C19orf12: variants seen among roughly 807,000 people sequenced by gnomAD.
C19orf12 encodes the protein protein C19orf12.
In C19orf12, 2 loss-of-function variants were observed where a neutral mutation model predicts 3.8. The ratio of observed to expected loss-of-function variants is 0.53; its 90% CI spans 0.22 to 1.66. The LOEUF is 1.66. Among genes scored for constraint, C19orf12 ranks in the 40% most tolerant of loss-of-function variants. The pLI is 0.20. For synonymous variants in C19orf12, 89 were observed against 84.6 expected (o/e 1.05, Z -0.28); for missense variants, 156 against 188.8 (o/e 0.83, Z 1.02).
Position 29,702,094 on chromosome 19 carries a change from G to A in C19orf12, c.*618C>T, listed in dbSNP as rs990998280. Reference sequence around the variant, plus strand: ...GCGAGGCCCTGGCAGGGCGAGTCTAGGTGTGCAGCCTAGTGGGGGCCGGGG... The same window carrying A: ...GCGAGGCCCTGGCAGGGCGAGTCTAAGTGTGCAGCCTAGTGGGGGCCGGGG... On this transcript the variant is annotated 3_prime_UTR_variant, in exon 3 of 3. Coordinates refer to ENST00000323670, the MANE Select transcript of C19orf12 (RefSeq NM_031448.6). The A allele has an allele frequency of 1.3e-5, 6 of 449,432 alleles. No individual in the cohort carries two copies. Among genetic ancestry groups the A allele is most frequent in the Non-Finnish European group, 2.7e-5 (6 of 223,622 alleles). 27.8% of individuals were successfully genotyped at this position (449,432 alleles called of 1,614,324 possible).
rs948285503 is a variant in C19orf12 at position 29,714,947 on chromosome 19, G to A, written c.-11+178C>T. On this transcript the variant is annotated intron_variant, in intron 1 of 2. Transcript: ENST00000323670. ...CTCTCCATGCCTCAGTTTCTCCATA[G>A]GGACAATGACTACACTAACAGTGTC... The A allele has an allele frequency of 8.0e-5, 57 of 714,808 alleles. No individual in the cohort carries two copies. The highest frequency in any genetic ancestry group is 1.4e-4 in the Non-Finnish European group (55 of 383,590). 44.3% of individuals were successfully genotyped at this position (714,808 alleles called of 1,614,324 possible).
chr19:29,714,620 C>A (rs1396163699), intron 1 of C19orf12, among the ~76,000 whole-genome samples: 1 of 152,116 alleles, frequency 6.6e-6, no homozygotes, highest in Non-Finnish European at 1.5e-5. Flanking sequence ...CCCAGCTCCG[C>A]TGCCCCACAG....
At chr19:29,710,616 C>A (rs1437029643) in intron 1 of C19orf12, among the ~76,000 whole-genome samples, 1 of 152,128 alleles carries the variant, frequency 6.6e-6, no homozygotes, top group African/African-American at 2.4e-5. Context: ...GTCTTTTTGT[C>A]CCCATGGAGT....
At chr19:29,711,512 TG>T (rs1445936038) in intron 1 of C19orf12, among the ~76,000 whole-genome samples, 4 of 152,242 alleles carry the variant, frequency 2.6e-5, no homozygotes, top group Admixed American at 6.5e-5. Flanking sequence ...AGAGAGGCAC[TG>T]CCCAGGTCTC....
At chr19:29,714,233 G>A (rs745439283) in intron 1 of C19orf12, among the ~76,000 whole-genome samples, 7 of 152,120 alleles carry the variant, frequency 4.6e-5, no homozygotes, top group Non-Finnish European at 8.8e-5. Context: ...GGTGGCTCAC[G>A]TCTGTAATCC....
Position 29,714,305 on chromosome 19 carries a change from C to T in C19orf12, c.-11+820G>A, listed in dbSNP as rs570327262. Among the ~76,000 whole-genome samples, 4 of 151,968 alleles carry T rather than the reference C, an allele frequency of 2.6e-5. No individual in the cohort carries two copies. In the South Asian group the frequency reaches 8.3e-4, roughly 32 times the overall value. On this transcript the variant is annotated intron_variant, in intron 1 of 2. Coordinates refer to ENST00000323670, the MANE Select transcript of C19orf12 (RefSeq NM_031448.6). ...GTCAGGAGTTTGAGATTAGCCTGGC[C>T]GATATGGTGAAACTCCGTCTCTACT...
intron 1 of C19orf12, among the ~76,000 whole-genome samples, chr19:29,714,079 C>T (rs1365356347): frequency 1.3e-5 from 2 of 151,826 alleles, no homozygotes; most frequent in Non-Finnish European, 2.9e-5. Flanking sequence ...TTTCCAGAAA[C>T]GCAGTCTCCC....
chr19:29,710,970 C>G (rs1430591711), intron 1 of C19orf12, among the ~76,000 whole-genome samples: 2 of 150,848 alleles, frequency 1.3e-5, no homozygotes, highest in African/African-American at 4.9e-5. Context: ...ATCCAGTCAC[C>G]ATGGTCCTGA....
At position 29,700,654 on chromosome 19, in the gene C19orf12, A is replaced by G. The variant is rs529341141; in HGVS notation, c.*2058T>C. Reference sequence around the variant, plus strand: ...GCATATAAATGATTAAAGTGGCTTCATTAACTCCAGGAGTGTGGCCTGTGC... The same window carrying G: ...GCATATAAATGATTAAAGTGGCTTCGTTAACTCCAGGAGTGTGGCCTGTGC... On this transcript the variant is annotated 3_prime_UTR_variant, in exon 3 of 3. Transcript: ENST00000323670. 4.0e-5 allele frequency: 18 copies of G among 454,130 alleles called. No homozygotes were observed. The East Asian group carries it at 1.2e-3, about 30-fold the overall frequency. 28.1% of individuals were successfully genotyped at this position (454,130 alleles called of 1,614,324 possible).
Position 29,702,343 on chromosome 19 carries a change from G to C in C19orf12, c.*369C>G, listed in dbSNP as rs1210035312. 1 of 486,520 alleles carries C rather than the reference G, an allele frequency of 2.1e-6. No individual in the cohort carries two copies. The highest frequency in any genetic ancestry group is 6.0e-5 in the East Asian group (1 of 16,638). 30.1% of individuals were successfully genotyped at this position (486,520 alleles called of 1,614,324 possible). Reference sequence around the variant, plus strand: ...CATCTCCCAAGATGAGAAGGCCCCGGGGGGAGGATGAAGTGTGGTCAGACC... The same window carrying C: ...CATCTCCCAAGATGAGAAGGCCCCGCGGGGAGGATGAAGTGTGGTCAGACC... On this transcript the variant is annotated 3_prime_UTR_variant, in exon 3 of 3. Coordinates refer to ENST00000323670, the MANE Select transcript of C19orf12 (RefSeq NM_031448.6).
chr19:29,699,482 CAAAAAAA>C lies in C19orf12; in HGVS notation c.*3223_*3229del, dbSNP rs60814860. 2.6e-6 allele frequency: 1 copy of C among 383,336 alleles called. No homozygotes were observed. Among genetic ancestry groups the C allele is most frequent in the South Asian group, 1.9e-5 (1 of 53,050 alleles). The allele number at this position is 383,336 out of a possible 1,614,324, so 23.7% of individuals were successfully genotyped here. A position where few individuals can be genotyped will look rare whatever the true frequency, so the allele number is the denominator to read the frequency against. On this transcript the variant is annotated 3_prime_UTR_variant, in exon 3 of 3. Coordinates refer to ENST00000323670, the MANE Select transcript of C19orf12 (RefSeq NM_031448.6). ...CGGGCGACAGTGCGAGACTCCATCT[CAAAAAAA>C]AAAAAAAGAAAAAAAGAAAAAAATA...
At position 29,699,883 on chromosome 19, in the gene C19orf12, A is replaced by T; in HGVS notation, c.*2829T>A. 6.6e-6 allele frequency: 3 copies of T among 453,706 alleles called. No homozygotes were observed. Among genetic ancestry groups the T allele is most frequent in the South Asian group, 4.7e-5 (3 of 64,470 alleles). The allele number at this position is 453,706 out of a possible 1,614,324, so 28.1% of individuals were successfully genotyped here. A position where few individuals can be genotyped will look rare whatever the true frequency, so the allele number is the denominator to read the frequency against. On this transcript the variant is annotated 3_prime_UTR_variant, in exon 3 of 3. Coordinates refer to ENST00000323670, the MANE Select transcript of C19orf12 (RefSeq NM_031448.6). ...GATATATAAATACTAAAACCACAGG[A>T]GCTGAGAAGCAGCGCTTGATTTCCT... is the stretch of plus-strand genomic sequence containing the variant.
rs1384930997 is a variant in C19orf12, at chr19:29,702,877, C to G, written c.261G>C (p.Arg87Ser). Residue 87 changes from arginine (R) to serine (S), a missense_variant, in exon 3 of 3, where the codon AGG (arginine) becomes AGC (serine). Physicochemically the swap from Arg to Ser is moderately radical, Grantham distance 110. Coordinates refer to ENST00000323670, the MANE Select transcript of C19orf12 (RefSeq NM_031448.6). ...LMELPPAEQQ[R>S]LFNEAAAIIR... ...TGATGGCTGCGGCTTCGTTAAAGAG[C>G]CTCTGTTGCTCGGCAGGGGGCAGCT... 6.2e-7 allele frequency: 1 copy of G among 1,614,050 alleles called. No homozygotes were observed. The highest frequency in any genetic ancestry group is 8.5e-7 in the Non-Finnish European group (1 of 1,180,028).
At chr19:29,711,525 G>A (rs1972675269) in intron 1 of C19orf12, among the ~76,000 whole-genome samples, 1 of 152,172 alleles carries the variant, frequency 6.6e-6, no homozygotes, top group Admixed American at 6.6e-5. Flanking sequence ...CCAGGTCTCA[G>A]GAGGGCCCCT....
intron 1 of C19orf12, among the ~76,000 whole-genome samples, chr19:29,712,343 T>G (rs1298954977): frequency 1.3e-5 from 2 of 151,522 alleles, no homozygotes; most frequent in Non-Finnish European, 2.9e-5. Context: ...GAGGTGGAGG[T>G]TGCAGTGAGC....
At chr19:29,706,414 A>G (rs1972380758) in intron 2 of C19orf12, among the ~76,000 whole-genome samples, 1 of 152,202 alleles carries the variant, frequency 6.6e-6, no homozygotes. Flanking sequence ...GCTCCCGCCC[A>G]TGACCAGGGA....
intron 1 of C19orf12, 126 bp from the exon 2 acceptor site, chr19:29,708,549 C>T (rs552611575): frequency 9.8e-6 from 12 of 1,227,134 alleles, no homozygotes; most frequent in African/African-American, 5.9e-5. Flanking sequence ...CAGCTCCAAG[C>T]GCCTGTATGA....
chr19:29,706,976 G>T (rs865794498), intron 2 of C19orf12, among the ~76,000 whole-genome samples: 28 of 152,336 alleles, frequency 1.8e-4, no homozygotes, highest in African/African-American at 6.3e-4. Context: ...CCAAGCCAAA[G>T]AAAGTAACTT....
In C19orf12 at chr19:29,702,046, C is replaced by T. The variant is rs1228332373; in HGVS notation, c.*666G>A. ...TTTGAGAAGTAAACCTCAAGAACTA[C>T]CAGGACTTTTCAGATGGGAAGAGCG... On this transcript the variant is annotated 3_prime_UTR_variant, in exon 3 of 3. Transcript: ENST00000323670. 2 of 451,856 alleles carry T rather than the reference C, an allele frequency of 4.4e-6. No individual in the cohort carries two copies. Among genetic ancestry groups the T allele is most frequent in the African/African-American group, 2.0e-5 (1 of 49,894 alleles). 28.0% of individuals were successfully genotyped at this position (451,856 alleles called of 1,614,324 possible).
Sources: gnomAD v4.1 joint callset for allele counts (sites outside exome capture counted in the v4.1 genomes callset) on GRCh38, gnomAD v4.1.1 for gene constraint, MANE v1.5 for transcripts, NCBI Gene and HGNC (gene_info 2026-07-23, HGNC 2026-07-21) for gene names.